PCDHA3: variants seen among roughly 807,000 people sequenced by gnomAD.
PCDHA3 encodes the protein protocadherin alpha 3.
In PCDHA3, 41 loss-of-function variants were observed where a neutral mutation model predicts 62.2. That is an observed-to-expected ratio of 0.66 (90% CI 0.51 to 0.86). The LOEUF is 0.86. Among genes scored for constraint, PCDHA3 ranks in the 40% least tolerant of loss-of-function variants. The pLI is 0.00. For synonymous variants in PCDHA3, 640 were observed against 555.4 expected, an observed-to-expected ratio of 1.15 and a Z score of -2.14; for missense variants, 1,304 against 1,241.2, an observed-to-expected ratio of 1.05 and a Z score of -0.76.
chr5:140,937,869 G>C (rs1268422806), intron 1 of PCDHA3, among the ~76,000 whole-genome samples: 1 of 150,376 alleles, frequency 6.6e-6, no homozygotes, highest in South Asian at 2.1e-4. Context: ...CCGAGATCGC[G>C]CCACTGCACT....
chr5:140,823,347 C>T, intron 1 of PCDHA3: 17 of 1,612,418 alleles, frequency 1.1e-5, no homozygotes, highest in Non-Finnish European at 1.4e-5. Flanking sequence ...CGCTGGACCA[C>T]GAGGAAGTGG....
At chr5:140,927,481 G>A in intron 1 of PCDHA3, 1 of 1,614,072 alleles carries the variant, frequency 6.2e-7, no homozygotes, top group Non-Finnish European at 8.5e-7. Flanking sequence ...CGAACAGCGC[G>A]CCACCCACCT....
chr5:140,912,794 C>T (rs1554195532), intron 1 of PCDHA3, among the ~76,000 whole-genome samples: 1 of 151,998 alleles, frequency 6.6e-6, no homozygotes, highest in South Asian at 2.1e-4. Context: ...TGCCAATTTT[C>T]TTGAGGGTTT....
chr5:140,857,420 G>T lies in PCDHA3; in HGVS notation c.2394+53829G>T. The T allele has an allele frequency of 6.9e-6, 11 of 1,598,360 alleles. 1 individual carries two copies. Among genetic ancestry groups the T allele is most frequent in the Non-Finnish European group, 8.6e-6 (10 of 1,167,812 alleles). On this transcript the variant is annotated intron_variant, in intron 1 of 3. Coordinates refer to ENST00000522353, the MANE Select transcript of PCDHA3 (RefSeq NM_018906.3). Reference sequence around the variant, plus strand: ...CAACGCGCCTGCGTTCGCGCAGTCCGAGTACACGGTGTTCGTGAAGGAGAA... The same window carrying T: ...CAACGCGCCTGCGTTCGCGCAGTCCTAGTACACGGTGTTCGTGAAGGAGAA...
chr5:140,887,672 T>G (rs2061538471), intron 1 of PCDHA3, among the ~76,000 whole-genome samples: 1 of 152,180 alleles, frequency 6.6e-6, no homozygotes, highest in Admixed American at 6.5e-5. Flanking sequence ...GGATTTATCA[T>G]TTTCATCAAA....
chr5:140,856,396 C>T, intron 1 of PCDHA3: 1 of 1,598,526 alleles, frequency 6.3e-7, no homozygotes, highest in Non-Finnish European at 8.6e-7. Context: ...TGCAGGTTTT[C>T]CATGTGGACG....
intron 1 of PCDHA3, chr5:140,822,643 T>A: frequency 6.2e-7 from 1 of 1,610,486 alleles, no homozygotes; most frequent in Non-Finnish European, 8.5e-7. Flanking sequence ...CGATGTAAAG[T>A]CCAAATTTAT....
At chr5:140,940,017 T>C (rs1418030283) in intron 1 of PCDHA3, among the ~76,000 whole-genome samples, 1 of 152,234 alleles carries the variant, frequency 6.6e-6, no homozygotes, top group Non-Finnish European at 1.5e-5. Flanking sequence ...TTTTGTGTCA[T>C]ATGTTTTAAG....
chr5:140,967,251 CG>C, intron 1 of PCDHA3: 1 of 1,613,410 alleles, frequency 6.2e-7, no homozygotes, highest in Non-Finnish European at 8.5e-7. Flanking sequence ...GAATCGGTGG[CG>C]CCTGGAGCGC....
At chr5:140,898,471 C>G (rs1421437999) in intron 1 of PCDHA3, among the ~76,000 whole-genome samples, 1 of 152,108 alleles carries the variant, frequency 6.6e-6, no homozygotes, top group African/African-American at 2.4e-5. Flanking sequence ...GCTTGTTTTT[C>G]TCAGGTTTGT....
rs782673398 is a variant in PCDHA3, at chr5:140,875,932, C to A, written c.2394+72341C>A. ...TGCGCCTCTGGACTCTCATTTTCCTCTAGAGGGCGCTTCTGATGCGGATAT... is the reference window on the plus strand; with the variant it reads ...TGCGCCTCTGGACTCTCATTTTCCTATAGAGGGCGCTTCTGATGCGGATAT... On this transcript the variant is annotated intron_variant, in intron 1 of 3. Coordinates refer to ENST00000522353, the MANE Select transcript of PCDHA3 (RefSeq NM_018906.3). The A allele has an allele frequency of 3.1e-6, 5 of 1,614,154 alleles. No individual in the cohort carries two copies.
intron 1 of PCDHA3, chr5:140,841,823 T>C (rs1554138571): frequency 1.9e-6 from 3 of 1,613,930 alleles, no homozygotes; most frequent in Non-Finnish European, 2.5e-6. Context: ...TAACTCCGTG[T>C]TAACCTACAG....
rs147674000 is a variant in PCDHA3 at position 140,809,124 on chromosome 5, G to T, written c.2394+5533G>T. On this transcript the variant is annotated intron_variant, in intron 1 of 3. Coordinates refer to ENST00000522353, the MANE Select transcript of PCDHA3 (RefSeq NM_018906.3). ...GACGAAACGGACGCTCCGCGCCACC[G>T]CCTACTGGTACTGGTGAAGGACCAC... The T allele has an allele frequency of 8.0e-3, 12,837 of 1,613,980 alleles. 65 individuals carry two copies. The highest frequency in any genetic ancestry group is 0.011 in the Middle Eastern group (64 of 6,062).
chr5:140,828,382 G>A (rs1769726529), intron 1 of PCDHA3: 1 of 1,614,172 alleles, frequency 6.2e-7, no homozygotes, highest in African/African-American at 1.3e-5. Flanking sequence ...AGCTGTGCGG[G>A]CGGAGCGCGG....
intron 1 of PCDHA3, chr5:140,875,239 A>G (rs1008116554): frequency 1.1e-6 from 1 of 915,946 alleles, no homozygotes; most frequent in Non-Finnish European, 1.5e-6. Flanking sequence ...TCTTGTACTT[A>G]CATAATCAGT....
chr5:140,884,314 G>A, intron 1 of PCDHA3: 1 of 1,613,760 alleles, frequency 6.2e-7, no homozygotes, highest in Non-Finnish European at 8.5e-7. Context: ...CGTCGAGGGC[G>A]TCGGCAGGCG....
In PCDHA3 at chr5:141,005,701, CAAAAAAAA is replaced by C. The variant is rs59860837; in HGVS notation, c.2543-3903_2543-3896del. Among the ~76,000 whole-genome samples, 45 of 7,788 alleles carry C rather than the reference CAAAAAAAA, an allele frequency of 5.8e-3. No individual in the cohort carries two copies. In the East Asian group the frequency reaches 0.064, roughly 11 times the overall value. 5.1% of individuals were successfully genotyped at this position (7,788 alleles called of 152,430 possible). A position where few individuals can be genotyped will look rare whatever the true frequency, so the allele number is the denominator to read the frequency against. On this transcript the variant is annotated intron_variant, in intron 3 of 3. Coordinates refer to ENST00000522353, the MANE Select transcript of PCDHA3 (RefSeq NM_018906.3). ...TGGGCGACAGAGCGAAACTCCGTCT[CAAAAAAAA>C]AAAAAAAAAAAAAAAAAAAAAAGAA...
intron 1 of PCDHA3, among the ~76,000 whole-genome samples, chr5:140,933,649 T>G (rs1259214104): frequency 6.6e-6 from 1 of 152,058 alleles, no homozygotes; most frequent in Non-Finnish European, 1.5e-5. Flanking sequence ...AAGTTGGAAA[T>G]CCTGTCTCTC....
intron 1 of PCDHA3, chr5:140,869,935 A>T: frequency 1.2e-6 from 2 of 1,612,050 alleles, no homozygotes; most frequent in Admixed American, 1.7e-5. Flanking sequence ...TGGAGAGGTA[A>T]CATACTCCTT....
Sources: allele counts gnomAD v4.1 joint callset (sites outside exome capture counted in the v4.1 genomes callset), GRCh38; gene constraint gnomAD v4.1.1; transcripts MANE v1.5; gene names NCBI Gene and HGNC (gene_info 2026-07-23, HGNC 2026-07-21).